Variants in AK9 observed in about 807,000 individuals in gnomAD.
AK9 encodes the protein adenylate kinase domain containing 1.
In AK9, 191 loss-of-function variants were observed where a neutral mutation model predicts 239.6. The observed-to-expected ratio is 0.80, with a 90% CI of 0.71 to 0.90. The LOEUF (loss-of-function observed/expected upper bound fraction) is 0.90, where lower values mean the gene tolerates loss of function less well. Among genes scored for constraint, AK9 ranks in the 40% least tolerant of loss-of-function variants. The pLI is 0.00. For synonymous variants in AK9, 689 were observed against 721.0 expected (o/e 0.96, Z 0.71); for missense variants, 1,995 against 2,214.7 (o/e 0.90, Z 1.99).
chr6:109,531,041 C>CAAAAAAAAAG (rs1554244695), intron 28 of AK9, among the ~76,000 whole-genome samples: 1 of 144,306 alleles, frequency 6.9e-6, no homozygotes, highest in African/African-American at 2.5e-5. Context: ...GACTCCGTCT[C>CAAAAAAAAAG]AAAAGAAAAG....
At chr6:109,626,060 A>G (rs893422674) in intron 12 of AK9, among the ~76,000 whole-genome samples, 2 of 152,104 alleles carry the variant, frequency 1.3e-5, no homozygotes, top group African/African-American at 4.8e-5. Context: ...TCAGACTGGA[A>G]ATGTTTTATT....
At chr6:109,587,572 T>C (rs1789669462) in intron 17 of AK9, among the ~76,000 whole-genome samples, 1 of 152,172 alleles carries the variant, frequency 6.6e-6, no homozygotes, top group Non-Finnish European at 1.5e-5. Flanking sequence ...TGTGTACACA[T>C]TGTTTAGCTC....
At chr6:109,583,198 T>C (rs1054875628) in intron 19 of AK9, among the ~76,000 whole-genome samples, 2 of 152,138 alleles carry the variant, frequency 1.3e-5, no homozygotes, top group African/African-American at 4.8e-5. Flanking sequence ...TTGTGACATC[T>C]TCCTTATCCA....
At chr6:109,510,140 G>A (rs1778552944) in intron 32 of AK9, among the ~76,000 whole-genome samples, 1 of 151,994 alleles carries the variant, frequency 6.6e-6, no homozygotes, top group Non-Finnish European at 1.5e-5. Flanking sequence ...CCGGTCTGTG[G>A]ACAGGAGTGG....
intron 2 of AK9, 50 bp downstream of exon 2, chr6:109,675,579 G>T: frequency 8.6e-7 from 1 of 1,163,292 alleles, no homozygotes; most frequent in Non-Finnish European, 1.2e-6. Flanking sequence ...TTAGAAAATT[G>T]TGATTTTAAA....
chr6:109,672,905 C>G (rs1771148906), intron 3 of AK9, among the ~76,000 whole-genome samples: 1 of 152,052 alleles, frequency 6.6e-6, no homozygotes, highest in South Asian at 2.1e-4. Flanking sequence ...ACATCCAAAG[C>G]CTGCTAGTTT....
intron 3 of AK9, among the ~76,000 whole-genome samples, chr6:109,672,544 A>G (rs1306281548): frequency 6.6e-6 from 1 of 152,100 alleles, no homozygotes; most frequent in Non-Finnish European, 1.5e-5. Flanking sequence ...TTAGCAGGGC[A>G]TAGTTATGGT....
intron 12 of AK9, chr6:109,631,797 A>T (rs1796110128): frequency 6.6e-6 from 1 of 152,234 alleles, no homozygotes; most frequent in Non-Finnish European, 1.5e-5. Flanking sequence ...AACAATAAAA[A>T]TGAATAAACT....
rs34481434 is a variant in AK9, at chr6:109,641,142, AATAT to A, written c.933+372_933+375del. Among the ~76,000 whole-genome samples, 61 of 145,346 alleles carry A rather than the reference AATAT, an allele frequency of 4.2e-4. No homozygotes were observed. The South Asian group carries it at 6.7e-3, about 16-fold the overall frequency. On this transcript the variant is annotated intron_variant, in intron 10 of 40. Transcript: ENST00000424296. ...CACAACATACATATATATATGAATA[AATAT>A]ATATATATATATACATTTTTATATA...
At chr6:109,578,442 T>A (rs1044082386) in intron 20 of AK9, among the ~76,000 whole-genome samples, 1 of 152,190 alleles carries the variant, frequency 6.6e-6, no homozygotes, top group Non-Finnish European at 1.5e-5. Context: ...TAATGATCTA[T>A]CAATTTTGCT....
Position 109,533,250 on chromosome 6 carries a change from C to A in AK9, c.3570+1G>T. Reference sequence around the variant, plus strand: ...TCAATGCATTTTTGCTAGATACATACCCTGATTTTTGCCTTCATGTCTTTG... The same window carrying A: ...TCAATGCATTTTTGCTAGATACATAACCTGATTTTTGCCTTCATGTCTTTG... On this transcript the variant is annotated splice_donor_variant, in intron 28 of 40. Coordinates refer to ENST00000424296, the MANE Select transcript of AK9 (RefSeq NM_001145128.3). LOFTEE classifies it high-confidence loss of function. 6.2e-7 allele frequency: 1 copy of A among 1,601,748 alleles called. No homozygotes were observed. The highest frequency in any genetic ancestry group is 8.5e-7 in the Non-Finnish European group (1 of 1,174,136).
intron 29 of AK9, among the ~76,000 whole-genome samples, chr6:109,527,314 G>C (rs546958077): frequency 1.3e-5 from 2 of 152,336 alleles, no homozygotes; most frequent in East Asian, 3.9e-4. Flanking sequence ...ATTTTGTTTA[G>C]GGCAAGAAGA....
At chr6:109,530,274 T>A (rs574016394) in intron 28 of AK9, among the ~76,000 whole-genome samples, 26 of 152,264 alleles carry the variant, frequency 1.7e-4, no homozygotes, top group African/African-American at 6.0e-4. Context: ...CCTGGGTGCT[T>A]TCATCTGGTT....
chr6:109,644,736 A>T (rs1049959067), intron 8 of AK9, 48 bp from the exon 9 acceptor site: 1 of 1,482,430 alleles, frequency 6.7e-7, no homozygotes, highest in East Asian at 2.3e-5. Flanking sequence ...CACTAGAAAA[A>T]CTGAATACAA....
chr6:109,579,718 G>A, intron 19 of AK9, 92 bp from the exon 20 acceptor site: 1 of 1,078,624 alleles, frequency 9.3e-7, no homozygotes, highest in Non-Finnish European at 1.3e-6. Context: ...TAAAAATAAA[G>A]ATTAAATCTT....
At chr6:109,635,930 T>C (rs190704023) in intron 10 of AK9, among the ~76,000 whole-genome samples, 1 of 152,336 alleles carries the variant, frequency 6.6e-6, no homozygotes, top group East Asian at 1.9e-4. Context: ...GCTGTTAAAT[T>C]TTTAAAATAT....
intron 24 of AK9, among the ~76,000 whole-genome samples, chr6:109,560,794 G>A (rs563591789): frequency 6.6e-6 from 1 of 152,200 alleles, no homozygotes; most frequent in African/African-American, 2.4e-5. Context: ...GAATGACTAG[G>A]AAGTATTCTC....
At position 109,528,934 on chromosome 6, in the gene AK9, C is replaced by T. The variant is rs143914950; in HGVS notation, c.3633+77G>A. On this transcript the variant is annotated intron_variant, in intron 29 of 40. Coordinates refer to ENST00000424296, the MANE Select transcript of AK9 (RefSeq NM_001145128.3). Reference sequence around the variant, plus strand: ...CCCAGGAGTTCGAGGTTGCAGTGAGCTATGATTGTGCCACTGTACCCTGCC... The same window carrying T: ...CCCAGGAGTTCGAGGTTGCAGTGAGTTATGATTGTGCCACTGTACCCTGCC... 224 of 1,568,742 alleles carry T rather than the reference C, an allele frequency of 1.4e-4. 1 individual carries two copies. In the African/African-American group the frequency reaches 2.8e-3, roughly 20 times the overall value.
At chr6:109,660,526 G>C (rs990596711) in intron 6 of AK9, among the ~76,000 whole-genome samples, 1 of 152,148 alleles carries the variant, frequency 6.6e-6, no homozygotes, top group African/African-American at 2.4e-5. Flanking sequence ...ATGGAGATGG[G>C]ATGGGTAATT....
Sources: allele counts gnomAD v4.1 joint callset (sites outside exome capture counted in the v4.1 genomes callset), GRCh38; gene constraint gnomAD v4.1.1; transcripts MANE v1.5; gene names NCBI Gene and HGNC (gene_info 2026-07-23, HGNC 2026-07-21).